The following MRPS9 variants were observed in gnomAD, a reference collection of about 807,000 sequenced individuals.
MRPS9 encodes the protein mitochondrial ribosomal protein S9, also known as small ribosomal subunit protein uS9m.
In MRPS9, 45 loss-of-function variants were observed where a neutral mutation model predicts 59.9. The ratio of observed to expected loss-of-function variants is 0.75; its 90% confidence interval spans 0.59 to 0.96. MRPS9 has a LOEUF of 0.96. MRPS9 is among the 40% of genes least tolerant of loss of function. MRPS9 has a pLI of 0.00. For synonymous variants in MRPS9, 171 were observed against 166.8 expected (o/e 1.03, Z -0.19); for missense variants, 473 against 481.1 (o/e 0.98, Z 0.16).
intron 9 of MRPS9, among the ~76,000 whole-genome samples, chr2:105,096,892 G>C (rs563438231): frequency 6.6e-6 from 1 of 152,256 alleles, no homozygotes; most frequent in East Asian, 1.9e-4. Context: ...AAGATCTTCT[G>C]AGATAAAGGG....
Position 105,097,342 on chromosome 2 carries a change from A to T in MRPS9, c.1099+18A>T, listed in dbSNP as rs371997399. 3.8e-5 allele frequency: 60 copies of T among 1,566,934 alleles called. No homozygotes were observed. The highest frequency in any genetic ancestry group is 5.1e-5 in the Non-Finnish European group (59 of 1,155,606). On this transcript the variant is annotated intron_variant, in intron 10 of 10. Coordinates refer to ENST00000258455, the MANE Select transcript of MRPS9 (RefSeq NM_182640.3). Reference sequence around the variant, plus strand: ...GAGACAAGGTATGAGTCTAGGTGGGACGGGCATGGTGGCCCAATACTGGCT... The same window carrying T: ...GAGACAAGGTATGAGTCTAGGTGGGTCGGGCATGGTGGCCCAATACTGGCT...
chr2:105,088,854 G>T (rs868702228), intron 5 of MRPS9, 130 bp from the exon 6 acceptor site: 6 of 482,988 alleles, frequency 1.2e-5, no homozygotes, highest in African/African-American at 5.9e-5. Context: ...TATTTACTCT[G>T]CAGCTTGATT....
intron 7 of MRPS9, among the ~76,000 whole-genome samples, chr2:105,090,808 A>G (rs1475934157): frequency 2.0e-5 from 3 of 152,208 alleles, no homozygotes; most frequent in Non-Finnish European, 4.4e-5. Context: ...GGTGGCTAAC[A>G]TTGTTAGTAC....
intron 5 of MRPS9, among the ~76,000 whole-genome samples, chr2:105,083,611 C>G (rs921225795): frequency 5.3e-5 from 8 of 152,332 alleles, no homozygotes; most frequent in South Asian, 2.1e-4. Flanking sequence ...TTTTGTAAAA[C>G]ATGGCTCATT....
Position 105,078,647 on chromosome 2 carries a change from C to T in MRPS9, c.410-1336C>T, listed in dbSNP as rs560326668. Among the ~76,000 whole-genome samples, 6 of 152,136 alleles carry T rather than the reference C, an allele frequency of 3.9e-5. 1 individual carries two copies. In the East Asian group the frequency reaches 1.2e-3, roughly 29 times the overall value. On this transcript the variant is annotated intron_variant, in intron 4 of 10. Coordinates refer to ENST00000258455, the MANE Select transcript of MRPS9 (RefSeq NM_182640.3). ...TACCCAAGCAAGACTTTCTTTTTAG[C>T]ATTTATTATGAAAATGTGGTCTTTG... is the stretch of plus-strand genomic sequence containing the variant.
chr2:105,079,031 A>G (rs1018714173), intron 4 of MRPS9, among the ~76,000 whole-genome samples: 2 of 152,118 alleles, frequency 1.3e-5, no homozygotes, highest in Admixed American at 6.5e-5. Context: ...TGGTATTAAC[A>G]TTTCATGCGG....
At chr2:105,060,017 TAA>T (rs10547330) in intron 2 of MRPS9, among the ~76,000 whole-genome samples, 5,350 of 100,648 alleles carry the variant, frequency 0.053, 288 homozygotes, top group African/African-American at 0.17. Context: ...GGAAAACTGC[TAA>T]AAAAAAAAAA....
chr2:105,079,288 GCGC>G (rs1558759562), intron 4 of MRPS9, among the ~76,000 whole-genome samples: 5 of 126,672 alleles, frequency 3.9e-5, no homozygotes, highest in African/African-American at 1.6e-4. Flanking sequence ...GAGATAGTAT[GCGC>G]AAAGGACACA....
At chr2:105,068,690 A>G (rs1435757348) in intron 2 of MRPS9, among the ~76,000 whole-genome samples, 1 of 152,058 alleles carries the variant, frequency 6.6e-6, no homozygotes, top group Non-Finnish European at 1.5e-5. Flanking sequence ...GCTTATGTGT[A>G]TTTTCCCCCT....
In MRPS9 at chr2:105,097,281, G is replaced by A; in HGVS notation, c.1056G>A (p.Leu352=). ...GAIRLAMAKA[L]CSFVTEDEVE... is the part of the protein sequence containing the mutation. The stretch of plus-strand genomic sequence containing the variant: ...TACGACTGGCAATGGCAAAAGCCTT[G>A]TGCAGCTTTGTCACCGAGGACGAGG... The change falls in exon 10 of 11, where the codon TTG becomes TTA. Residue 352 remains leucine, a synonymous_variant. Transcript: ENST00000258455. The A allele has an allele frequency of 3.7e-6, 6 of 1,612,432 alleles. No homozygotes were observed. The highest frequency in any genetic ancestry group is 5.1e-6 in the Non-Finnish European group (6 of 1,179,316).
At chr2:105,038,658 G>A (rs1324020278) in intron 1 of MRPS9, among the ~76,000 whole-genome samples, 1 of 152,120 alleles carries the variant, frequency 6.6e-6, no homozygotes, top group Non-Finnish European at 1.5e-5. Context: ...AGAGGACAGT[G>A]ACTTTTTGAA....
chr2:105,069,847 A>C (rs1386491719), intron 2 of MRPS9, among the ~76,000 whole-genome samples: 1 of 137,636 alleles, frequency 7.3e-6, no homozygotes, highest in South Asian at 2.2e-4. Flanking sequence ...CCTCATCTCT[A>C]CAAAAAAAAA....
At chr2:105,049,640 G>T (rs1472645491) in intron 2 of MRPS9, among the ~76,000 whole-genome samples, 2 of 152,100 alleles carry the variant, frequency 1.3e-5, no homozygotes, top group Non-Finnish European at 2.9e-5. Flanking sequence ...CTTACAAAAT[G>T]ATATAACAGA....
chr2:105,048,149 C>T (rs887242680), intron 1 of MRPS9, among the ~76,000 whole-genome samples: 1 of 152,030 alleles, frequency 6.6e-6, no homozygotes, highest in Admixed American at 6.6e-5. Flanking sequence ...GGCACATATA[C>T]ACCATGGAAT....
At chr2:105,051,800 G>A (rs1462700011) in intron 2 of MRPS9, among the ~76,000 whole-genome samples, 4 of 151,952 alleles carry the variant, frequency 2.6e-5, no homozygotes, top group East Asian at 1.9e-4. Context: ...AACTTCTATT[G>A]TAAATAGAAT....
chr2:105,039,742 A>T (rs1679469452), intron 1 of MRPS9, among the ~76,000 whole-genome samples: 1 of 152,206 alleles, frequency 6.6e-6, no homozygotes, highest in Non-Finnish European at 1.5e-5. Context: ...CAATTGATGG[A>T]CATTTGCTTT....
intron 5 of MRPS9, among the ~76,000 whole-genome samples, chr2:105,083,432 G>A (rs1033126686): frequency 8.5e-5 from 13 of 152,144 alleles, no homozygotes; most frequent in African/African-American, 2.2e-4. Flanking sequence ...ACGGTGGGCC[G>A]CAGCCTTGGT....
intron 4 of MRPS9, among the ~76,000 whole-genome samples, chr2:105,077,895 T>C (rs1398594414): frequency 6.6e-6 from 1 of 152,204 alleles, no homozygotes; most frequent in Non-Finnish European, 1.5e-5. Context: ...AAATTATTGA[T>C]AAATTGAATA....
intron 5 of MRPS9, among the ~76,000 whole-genome samples, chr2:105,087,323 A>G (rs1252086749): frequency 1.3e-5 from 2 of 152,126 alleles, no homozygotes; most frequent in African/African-American, 2.4e-5. Context: ...GAATACTAGG[A>G]TGAAATTAAC....
Sources: allele counts gnomAD v4.1 joint callset (sites outside exome capture counted in the v4.1 genomes callset), GRCh38; gene constraint gnomAD v4.1.1; transcripts MANE v1.5; gene names NCBI Gene and HGNC (gene_info 2026-07-23, HGNC 2026-07-21).